The following MTMR7 variants were observed in gnomAD, a reference collection of about 807,000 sequenced individuals.
MTMR7 encodes myotubularin related protein 7.
A neutral mutation model predicts 81.2 loss-of-function variants in MTMR7; 76 were observed. The ratio of observed to expected loss-of-function variants is 0.94; its 90% CI spans 0.78 to 1.13. The LOEUF (loss-of-function observed/expected upper bound fraction) is 1.13, where lower values mean the gene tolerates loss of function less well. Ranked by LOEUF, MTMR7 falls within the 50% of genes most tolerant of loss-of-function variation. The pLI is 0.00. For synonymous variants in MTMR7, 372 were observed against 289.8 expected, an observed-to-expected ratio of 1.28 and a Z score of -2.88; for missense variants, 1,044 against 820.0, an observed-to-expected ratio of 1.27 and a Z score of -3.34.
At chr8:17,412,134 C>A (rs890379162) in intron 1 of MTMR7, among the ~76,000 whole-genome samples, 1 of 152,348 alleles carries the variant, frequency 6.6e-6, no homozygotes, top group Middle Eastern at 3.4e-3. Flanking sequence ...ACTGTCGGAA[C>A]TGACATTCTC....
Position 17,349,038 on chromosome 8 carries a change from G to A in MTMR7, c.512C>T (p.Ala171Val). The A allele has an allele frequency of 3.7e-6, 6 of 1,612,790 alleles. No individual in the cohort carries two copies. The highest frequency in any genetic ancestry group is 5.1e-6 in the Non-Finnish European group (6 of 1,179,824). Residue 171 changes from alanine to valine, a missense_variant, in exon 5 of 14, where the codon GCC (alanine) becomes GTC (valine). By Grantham distance (64) the Ala-to-Val change is moderately conservative (BLOSUM62 0). Transcript: ENST00000180173. ...YPTELYVPKS[A>V]TAHIIVGSSK... ...ACTCCCCACTATGATGTGTGCCGTG[G>A]CCGATTTGGGAACGTACAGTTCAGT...
chr8:17,348,252 A>G (rs1230751515), intron 5 of MTMR7, among the ~76,000 whole-genome samples: 1 of 152,118 alleles, frequency 6.6e-6, no homozygotes, highest in Admixed American at 6.5e-5. Context: ...AAAACAGGTA[A>G]TAAGGCCGGG....
At chr8:17,370,471 G>C (rs1820383127) in intron 3 of MTMR7, among the ~76,000 whole-genome samples, 1 of 141,430 alleles carries the variant, frequency 7.1e-6, no homozygotes, top group African/African-American at 2.6e-5. Context: ...AGTGAGCTGA[G>C]ATTGCACCAG....
intron 1 of MTMR7, among the ~76,000 whole-genome samples, chr8:17,387,697 G>A (rs539353036): frequency 2.0e-5 from 3 of 152,254 alleles, no homozygotes; most frequent in African/African-American, 7.2e-5. Flanking sequence ...AGATTTTGGA[G>A]CCACCTAAAA....
intron 1 of MTMR7, among the ~76,000 whole-genome samples, chr8:17,406,611 C>T (rs575015267): frequency 4.0e-5 from 6 of 150,814 alleles, no homozygotes; most frequent in South Asian, 2.1e-4. Flanking sequence ...AGTTGCTATA[C>T]GATTCACCAA....
rs1221406114 is a variant in MTMR7 at position 17,305,818 on chromosome 8, T to C, written c.1291A>G (p.Ile431Val). The C allele has an allele frequency of 1.2e-6, 2 of 1,613,620 alleles. No individual in the cohort carries two copies. Among genetic ancestry groups the C allele is most frequent in the Non-Finnish European group, 1.7e-6 (2 of 1,179,742 alleles). The change falls in exon 11 of 14, where the codon ATT becomes GTT. Residue 431 changes from isoleucine to valine, a missense_variant. Physicochemically the swap from Ile to Val is conservative, Grantham distance 29. Coordinates refer to ENST00000180173, the MANE Select transcript of MTMR7 (RefSeq NM_004686.5). ...AAGTTTCCAAACTGGCAGGAATAAA[T>C]GTGATGTTGAATGTGAATCAAAAAC... ...ERFLIHIQHH[I>V]YSCQFGNFLC...
intron 1 of MTMR7, among the ~76,000 whole-genome samples, chr8:17,374,948 G>A (rs142815225): frequency 0.025 from 3,739 of 152,198 alleles, 155 homozygotes; most frequent in African/African-American, 0.085. Context: ...AATTAGCCAG[G>A]CGTGGTGCCC....
chr8:17,405,207 G>C (rs1051856702), intron 1 of MTMR7, among the ~76,000 whole-genome samples: 2 of 152,128 alleles, frequency 1.3e-5, no homozygotes, highest in African/African-American at 4.8e-5. Flanking sequence ...CAAATACTAG[G>C]GGATTCACTG....
intron 3 of MTMR7, among the ~76,000 whole-genome samples, chr8:17,365,081 G>A (rs11203846): frequency 0.32 from 48,110 of 152,010 alleles, 9,560 homozygotes; most frequent in African/African-American, 0.55. Context: ...AAGCTTTGTT[G>A]TCTTCCATCT....
intron 1 of MTMR7, among the ~76,000 whole-genome samples, chr8:17,379,770 T>C (rs187832652): frequency 1.3e-5 from 2 of 152,288 alleles, no homozygotes; most frequent in East Asian, 3.9e-4. Context: ...GTTAAGTGTT[T>C]TTGGGGTTTT....
At chr8:17,396,551 A>G (rs1451906713) in intron 1 of MTMR7, among the ~76,000 whole-genome samples, 1 of 152,250 alleles carries the variant, frequency 6.6e-6, no homozygotes, top group South Asian at 2.1e-4. Flanking sequence ...AGCTAGAGGG[A>G]AATTGCCTAT....
chr8:17,375,697 C>G (rs1210016302), intron 1 of MTMR7, among the ~76,000 whole-genome samples: 3 of 152,126 alleles, frequency 2.0e-5, no homozygotes, highest in Admixed American at 6.5e-5. Flanking sequence ...GCGTCCTTAC[C>G]AAACTTTTAA....
intron 7 of MTMR7, among the ~76,000 whole-genome samples, chr8:17,325,063 GC>G (rs758408744): frequency 1.1e-4 from 17 of 152,040 alleles, no homozygotes; most frequent in Non-Finnish European, 4.4e-5. Context: ...GGTTGAATTA[GC>G]CAGCACTCCA....
chr8:17,343,847 T>C (rs1457592600), intron 5 of MTMR7, among the ~76,000 whole-genome samples: 1 of 152,218 alleles, frequency 6.6e-6, no homozygotes, highest in Non-Finnish European at 1.5e-5. Context: ...GTAAGTAGTC[T>C]CAGTGCTTTT....
At chr8:17,322,514 C>G (rs187067587) in intron 7 of MTMR7, among the ~76,000 whole-genome samples, 245 of 152,206 alleles carry the variant, frequency 1.6e-3, no homozygotes, top group Non-Finnish European at 1.9e-3. Context: ...GTGTGTAAAA[C>G]TTTGCAACAA....
At chr8:17,314,575 A>G (rs1030372980) in intron 7 of MTMR7, among the ~76,000 whole-genome samples, 2 of 152,218 alleles carry the variant, frequency 1.3e-5, no homozygotes, top group Non-Finnish European at 2.9e-5. Flanking sequence ...AAGAATGCAG[A>G]TAAGAGGATT....
At chr8:17,359,287 T>C (rs1241869104) in intron 4 of MTMR7, among the ~76,000 whole-genome samples, 62 of 152,134 alleles carry the variant, frequency 4.1e-4, no homozygotes, top group Non-Finnish European at 8.8e-5. Context: ...ATTGTTTAAG[T>C]ACCATATAGC....
intron 5 of MTMR7, among the ~76,000 whole-genome samples, chr8:17,342,454 C>G (rs1382800302): frequency 6.6e-6 from 1 of 152,162 alleles, no homozygotes; most frequent in East Asian, 1.9e-4. Flanking sequence ...ATGTCACAGC[C>G]TGTTCAGCGT....
At chr8:17,328,313 T>C (rs1023567233) in intron 7 of MTMR7, among the ~76,000 whole-genome samples, 19 of 152,126 alleles carry the variant, frequency 1.2e-4, no homozygotes, top group African/African-American at 4.3e-4. Flanking sequence ...TCTTCACCAC[T>C]TCCTCCCCAA....
Sources: allele counts gnomAD v4.1 joint callset (sites outside exome capture counted in the v4.1 genomes callset), GRCh38; gene constraint gnomAD v4.1.1; transcripts MANE v1.5; gene names NCBI Gene and HGNC (gene_info 2026-07-23, HGNC 2026-07-21).